Variants in TPH2 observed in about 807,000 individuals in gnomAD.
TPH2 encodes tryptophan hydroxylase 2, also known as tryptophan 5-hydroxylase 2.
TPH2 carries 27 observed loss-of-function variants against 59.1 expected under a neutral mutation model. The observed-to-expected ratio is 0.46, with a 90% CI of 0.34 to 0.63. The LOEUF is 0.63. TPH2 is among the 30% of genes least tolerant of loss of function. TPH2 has a pLI of 0.01. For synonymous variants in TPH2, 220 were observed against 210.5 expected (o/e 1.05, Z -0.39); for missense variants, 523 against 588.3 (o/e 0.89, Z 1.15).
intron 9 of TPH2, among the ~76,000 whole-genome samples, chr12:72,028,673 C>T (rs1377959429): frequency 6.6e-6 from 1 of 152,124 alleles, no homozygotes; most frequent in Non-Finnish European, 1.5e-5. Context: ...CCATGGGTAC[C>T]ATTATTACCC....
chr12:71,998,601 A>G (rs927042571), intron 8 of TPH2, among the ~76,000 whole-genome samples: 6 of 152,160 alleles, frequency 3.9e-5, no homozygotes, highest in East Asian at 3.9e-4. Flanking sequence ...CAAACCATAT[A>G]CTGAAACTAG....
intron 8 of TPH2, among the ~76,000 whole-genome samples, chr12:72,001,538 G>T (rs1345313027): frequency 6.6e-6 from 1 of 151,202 alleles, no homozygotes; most frequent in African/African-American, 2.4e-5. Flanking sequence ...TGATTCTCCT[G>T]CCTCAGCCCC....
At chr12:71,984,346 A>G (rs1199540028) in intron 7 of TPH2, among the ~76,000 whole-genome samples, 2 of 152,172 alleles carry the variant, frequency 1.3e-5, no homozygotes, top group African/African-American at 4.8e-5. Context: ...AGTAAAGTAA[A>G]TGAATTTTTT....
rs1268999772 is a variant in TPH2, at chr12:71,963,321, C to A, written c.609-9198C>A. On this transcript the variant is annotated intron_variant, in intron 5 of 10. Coordinates refer to ENST00000333850, the MANE Select transcript of TPH2 (RefSeq NM_173353.4). ...GTAAATAAAAATTACATTTGCTTTA[C>A]GGTTAAACCTTAATTAGAATTCATC... Among the ~76,000 whole-genome samples, 2 of 43,334 alleles carry A rather than the reference C, an allele frequency of 4.6e-5. 1 individual carries two copies. The highest frequency in any genetic ancestry group is 1.2e-4 in the Non-Finnish European group (2 of 17,152). The allele number at this position is 43,334 out of a possible 152,430, so 28.4% of individuals were successfully genotyped here.
At chr12:72,023,097 T>C (rs896280563) in intron 9 of TPH2, among the ~76,000 whole-genome samples, 6 of 152,184 alleles carry the variant, frequency 3.9e-5, no homozygotes, top group South Asian at 2.1e-4. Context: ...ACTTTTTTTT[T>C]CCAGAAATGT....
chr12:72,006,279 A>G (rs781211746), intron 8 of TPH2, among the ~76,000 whole-genome samples: 3 of 152,194 alleles, frequency 2.0e-5, no homozygotes, highest in Non-Finnish European at 2.9e-5. Flanking sequence ...CAGGACTATC[A>G]TAATAGGTGC....
intron 8 of TPH2, among the ~76,000 whole-genome samples, chr12:72,018,780 T>C (rs1486037486): frequency 6.6e-6 from 1 of 152,166 alleles, no homozygotes; most frequent in Non-Finnish European, 1.5e-5. Flanking sequence ...TTTCCTCCAT[T>C]TTAGACTTTT....
chr12:72,016,193 A>G (rs1023223526), intron 8 of TPH2, among the ~76,000 whole-genome samples: 2 of 152,182 alleles, frequency 1.3e-5, no homozygotes, highest in African/African-American at 4.8e-5. Context: ...AAGATAACAT[A>G]TGTGAGAACA....
intron 4 of TPH2, among the ~76,000 whole-genome samples, chr12:71,946,582 A>G (rs911646279): frequency 2.0e-5 from 3 of 152,132 alleles, no homozygotes; most frequent in Non-Finnish European, 2.9e-5. Flanking sequence ...TAAACCGCAT[A>G]TATTTCTTTT....
At chr12:71,991,054 G>T (rs1165456791) in intron 7 of TPH2, among the ~76,000 whole-genome samples, 1 of 152,020 alleles carries the variant, frequency 6.6e-6, no homozygotes, top group Admixed American at 6.5e-5. Context: ...CTTTGTCATT[G>T]CAATGGTATT....
At chr12:71,964,579 T>G in intron 5 of TPH2, 1 of 985,370 alleles carries the variant, frequency 1.0e-6, no homozygotes, top group Non-Finnish European at 1.2e-6. Flanking sequence ...GGCTGTATAT[T>G]GTAGACACCT....
At chr12:71,983,681 A>G (rs565688822) in intron 7 of TPH2, among the ~76,000 whole-genome samples, 1 of 152,106 alleles carries the variant, frequency 6.6e-6, no homozygotes. Flanking sequence ...TCAGGAAAGC[A>G]GTCCTCCTTC....
intron 5 of TPH2, chr12:71,962,345 T>G: frequency 1.0e-6 from 1 of 985,464 alleles, no homozygotes; most frequent in Non-Finnish European, 1.2e-6. Flanking sequence ...CAAGGAAACA[T>G]CTCTGTATTT....
intron 5 of TPH2, 79 bp downstream of exon 5, chr12:71,949,734 T>C: frequency 7.9e-7 from 1 of 1,267,398 alleles, no homozygotes; most frequent in Non-Finnish European, 1.2e-6. Flanking sequence ...CTGTCATCTC[T>C]TCACTTTAAC....
intron 6 of TPH2, among the ~76,000 whole-genome samples, chr12:71,977,121 G>A (rs1016012061): frequency 2.0e-5 from 3 of 152,106 alleles, no homozygotes; most frequent in Non-Finnish European, 2.9e-5. Context: ...GCGTAAGCTC[G>A]GCTCACTGCA....
At chr12:72,019,124 T>C (rs1280563327) in intron 8 of TPH2, among the ~76,000 whole-genome samples, 1 of 152,200 alleles carries the variant, frequency 6.6e-6, no homozygotes, top group East Asian at 1.9e-4. Flanking sequence ...CTTTTCAACA[T>C]GTATTTACAT....
chr12:71,969,624 C>G (rs1488200280), intron 5 of TPH2, among the ~76,000 whole-genome samples: 1 of 152,136 alleles, frequency 6.6e-6, no homozygotes, highest in African/African-American at 2.4e-5. Context: ...ACAAATATAT[C>G]CTACTATGAC....
chr12:71,950,482 C>A (rs1871315706), intron 5 of TPH2, among the ~76,000 whole-genome samples: 1 of 152,072 alleles, frequency 6.6e-6, no homozygotes, highest in Admixed American at 6.6e-5. Flanking sequence ...AGAGGCCTGA[C>A]AGTGACAGGA....
chr12:71,965,361 A>G (rs1871790164), intron 5 of TPH2: 1 of 152,228 alleles, frequency 6.6e-6, no homozygotes, highest in Non-Finnish European at 1.5e-5. Flanking sequence ...GAATGGCCAT[A>G]CTGCTTTCCA....
Sources: allele counts gnomAD v4.1 joint callset (sites outside exome capture counted in the v4.1 genomes callset), GRCh38; gene constraint gnomAD v4.1.1; transcripts MANE v1.5; gene names NCBI Gene and HGNC (gene_info 2026-07-23, HGNC 2026-07-21).